The following HERC4 variants were observed in gnomAD, a reference collection of about 807,000 sequenced individuals.
HERC4 encodes probable E3 ubiquitin-protein ligase HERC4.
In HERC4, 28 loss-of-function variants were observed where a neutral mutation model predicts 124.3. The ratio of observed to expected loss-of-function variants is 0.23; its 90% confidence interval spans 0.17 to 0.31. The LOEUF (loss-of-function observed/expected upper bound fraction) is 0.31, where lower values mean the gene tolerates loss of function less well. Ranked by LOEUF, HERC4 falls within the 10% of genes least tolerant of loss-of-function variation. The pLI, the probability that HERC4 is intolerant of heterozygous loss-of-function variation, is 1.00. For missense variants in HERC4, 713 were observed against 1,229.3 expected, an observed-to-expected ratio of 0.58 and a Z score of 6.28; for synonymous variants, 407 against 421.5, an observed-to-expected ratio of 0.97 and a Z score of 0.42.
rs1025784430 is a variant in HERC4 at position 67,955,165 on chromosome 10, G to A, written c.2026-35C>T. ...AAAAGATTAACATTTTAACAGCAAT[G>A]CTACAATAAAGCTACTGTGACTGAA... On this transcript the variant is annotated intron_variant, in intron 17 of 24. Coordinates refer to ENST00000373700, the MANE Select transcript of HERC4 (RefSeq NM_015601.4). 5.8e-6 allele frequency: 9 copies of A among 1,553,642 alleles called. No individual in the cohort carries two copies. The Admixed American group carries it at 1.1e-4, about 18-fold the overall frequency.
chr10:68,059,522 A>AATATTATATATT (rs1339936883), intron 3 of HERC4, among the ~76,000 whole-genome samples: 3 of 80,620 alleles, frequency 3.7e-5, no homozygotes, highest in African/African-American at 1.4e-4. Context: ...TATATATCAT[A>AATATTATATATT]ATAATATTAT....
At chr10:67,938,185 G>A (rs2032539670) in intron 21 of HERC4, among the ~76,000 whole-genome samples, 1 of 151,874 alleles carries the variant, frequency 6.6e-6, no homozygotes. Context: ...GCTCACGCCT[G>A]TAATCCCAGC....
chr10:67,988,741 G>C lies in HERC4; in HGVS notation c.1728C>G (p.Ile576Met). The C allele has an allele frequency of 1.2e-6, 2 of 1,604,714 alleles. No individual in the cohort carries two copies. Among genetic ancestry groups the C allele is most frequent in the South Asian group, 2.2e-5 (2 of 89,444 alleles). Residue 576 changes from isoleucine (I) to methionine (M), a missense_variant, in exon 15 of 25, where the codon ATC (isoleucine) becomes ATG (methionine). Coordinates refer to ENST00000373700, the MANE Select transcript of HERC4 (RefSeq NM_015601.4). ...TTCTTCTTTCAGAAGGGGGAATACC[G>C]ATCTTGTAGAGTTTCAAAAGATGTA... Reference protein sequence around the residue: ...VVVHLLKLYKIGIPPSERRIF... With the variant: ...VVVHLLKLYKMGIPPSERRIF...
In HERC4 at chr10:67,959,017, A is replaced by G. The variant is rs1431017385; in HGVS notation, c.1927-2041T>C. The G allele has an allele frequency of 4.7e-5, 43 of 909,636 alleles. No homozygotes were observed. In the East Asian group the frequency reaches 1.1e-3, roughly 23 times the overall value. The allele number at this position is 909,636 out of a possible 1,614,324, so 56.3% of individuals were successfully genotyped here. A position where few individuals can be genotyped will look rare whatever the true frequency, so the allele number is the denominator to read the frequency against. ...TATATCTATTTATTTACATTTTTTA[A>G]CCACACCAAAAAAACGAATCTTTGG... On this transcript the variant is annotated intron_variant, in intron 16 of 24. Transcript: ENST00000373700.
intron 19 of HERC4, among the ~76,000 whole-genome samples, chr10:67,953,827 A>G (rs2033968660): frequency 6.6e-6 from 1 of 152,208 alleles, no homozygotes; most frequent in African/African-American, 2.4e-5. Flanking sequence ...TAATAAATGA[A>G]AAAGAAATAT....
At chr10:68,026,283 A>G (rs528215619) in intron 7 of HERC4, among the ~76,000 whole-genome samples, 1 of 151,970 alleles carries the variant, frequency 6.6e-6, no homozygotes, top group African/African-American at 2.4e-5. Context: ...TTTTGTAGAG[A>G]TGGGGTTTTC....
rs768017957 is a variant in HERC4 at position 67,954,759 on chromosome 10, C to A, written c.2194-21G>T. 4 of 1,608,390 alleles carry A rather than the reference C, an allele frequency of 2.5e-6. No individual in the cohort carries two copies. The Admixed American group carries it at 5.0e-5, about 20-fold the overall frequency. Reference sequence around the variant, plus strand: ...ATAACCTAAAATAGCACAATGCAAACACCAAATAGACTGTAAAGAAATGAA... The same window carrying A: ...ATAACCTAAAATAGCACAATGCAAAAACCAAATAGACTGTAAAGAAATGAA... On this transcript the variant is annotated intron_variant, in intron 18 of 24. Transcript: ENST00000373700.
At chr10:68,069,199 T>G in intron 3 of HERC4, 1 of 962,330 alleles carries the variant, frequency 1.0e-6, no homozygotes, top group Non-Finnish European at 1.2e-6. Context: ...TCTTCAGAAC[T>G]GAATTTGAAA....
chr10:68,038,679 C>T (rs969450890), intron 4 of HERC4, among the ~76,000 whole-genome samples: 6 of 152,186 alleles, frequency 3.9e-5, no homozygotes, highest in Admixed American at 3.9e-4. Flanking sequence ...CTATTCCTTA[C>T]AAGCTATCCT....
At chr10:67,970,921 A>G (rs532175431) in intron 15 of HERC4, among the ~76,000 whole-genome samples, 1 of 152,010 alleles carries the variant, frequency 6.6e-6, no homozygotes, top group Admixed American at 6.5e-5. Context: ...TCAATGAAAG[A>G]GAAAACAGAA....
At chr10:67,975,507 GC>G in intron 15 of HERC4, among the ~76,000 whole-genome samples, 1 of 151,956 alleles carries the variant, frequency 6.6e-6, no homozygotes, top group East Asian at 1.9e-4. Context: ...CCACCACCAT[GC>G]CCAGCTAATT....
rs377291219 is a variant in HERC4, at chr10:68,013,020, T to C, written c.1069+1006A>G. ...ATAATAAGAACACAGGCATGCCGCA[T>C]TTTATTGTGCTTTGCTTTACTGTGC... On this transcript the variant is annotated intron_variant, in intron 9 of 24. Coordinates refer to ENST00000373700, the MANE Select transcript of HERC4 (RefSeq NM_015601.4). 1.1e-4 allele frequency among the ~76,000 whole-genome samples: 16 copies of C among 152,314 alleles called. No individual in the cohort carries two copies. In the South Asian group the frequency reaches 2.9e-3, roughly 28 times the overall value.
At chr10:67,969,608 T>C (rs2035107074) in intron 15 of HERC4, among the ~76,000 whole-genome samples, 2 of 152,048 alleles carry the variant, frequency 1.3e-5, no homozygotes, top group Admixed American at 1.3e-4. Context: ...CTTCAGCCAC[T>C]GAGGAAGGGG....
At chr10:68,044,780 G>A (rs771712769) in intron 3 of HERC4, among the ~76,000 whole-genome samples, 1 of 152,018 alleles carries the variant, frequency 6.6e-6, no homozygotes, top group Non-Finnish European at 1.5e-5. Context: ...GTAAACCACA[G>A]ATAAATATAT....
At chr10:67,942,411 AT>A (rs1381596026) in intron 19 of HERC4, among the ~76,000 whole-genome samples, 1 of 152,212 alleles carries the variant, frequency 6.6e-6, no homozygotes, top group African/African-American at 2.4e-5. Context: ...AGTTTGAAAT[AT>A]TTCCCTAGGA....
chr10:68,059,480 ATT>A, intron 3 of HERC4, among the ~76,000 whole-genome samples: 5 of 130,588 alleles, frequency 3.8e-5, no homozygotes, highest in African/African-American at 1.5e-4. Flanking sequence ...ATATTATAAT[ATT>A]ATATATTATA....
At chr10:67,966,631 T>A in intron 16 of HERC4, 52 bp downstream of exon 16, 2 of 1,532,970 alleles carry the variant, frequency 1.3e-6, no homozygotes, top group South Asian at 1.3e-5. Flanking sequence ...TTTCTTTTTT[T>A]ATTAGATACA....
intron 15 of HERC4, among the ~76,000 whole-genome samples, chr10:67,980,984 AAAGG>A (rs1477979419): frequency 1.3e-5 from 2 of 152,174 alleles, no homozygotes; most frequent in Non-Finnish European, 2.9e-5. Flanking sequence ...GCAAGAAAAA[AAAGG>A]AAGAGAAAAC....
intron 21 of HERC4, 55 bp downstream of exon 21, chr10:67,939,533 T>C: frequency 2.5e-6 from 3 of 1,194,062 alleles, no homozygotes; most frequent in Non-Finnish European, 3.6e-6. Flanking sequence ...AAGACACGGC[T>C]GTTAAATAAA....
Sources: gnomAD v4.1 joint callset for allele counts (sites outside exome capture counted in the v4.1 genomes callset) on GRCh38, gnomAD v4.1.1 for gene constraint, MANE v1.5 for transcripts, NCBI Gene and HGNC (gene_info 2026-07-23, HGNC 2026-07-21) for gene names.